The following STAT5A variants were observed in gnomAD, a reference collection of about 807,000 sequenced individuals.
STAT5A encodes epididymis secretory sperm binding protein.
STAT5A carries 26 observed loss-of-function variants against 100.2 expected under a neutral mutation model. That is an observed-to-expected ratio of 0.26 (90% confidence interval 0.19 to 0.36). The LOEUF (loss-of-function observed/expected upper bound fraction) is 0.36. Ranked by LOEUF, STAT5A falls within the 10% of genes least tolerant of loss-of-function variation. The pLI, the probability that STAT5A is intolerant of heterozygous loss-of-function variation, is 1.00. For synonymous variants in STAT5A, 330 were observed against 424.3 expected (o/e 0.78, Z 2.73); for missense variants, 634 against 1,027.5 (o/e 0.62, Z 5.24).
At chr17:42,298,851 A>T (rs1277424667) in intron 5 of STAT5A, among the ~76,000 whole-genome samples, 1 of 151,696 alleles carries the variant, frequency 6.6e-6, no homozygotes, top group East Asian at 1.9e-4. Context: ...CATCAATGAG[A>T]CTCCTCACAG....
At chr17:42,306,772 T>A (rs967476210) in intron 13 of STAT5A, among the ~76,000 whole-genome samples, 11 of 151,702 alleles carry the variant, frequency 7.3e-5, no homozygotes, top group Admixed American at 6.6e-4. Flanking sequence ...CAGGCTGGAG[T>A]GCAGTGGCGT....
intron 5 of STAT5A, among the ~76,000 whole-genome samples, chr17:42,298,316 A>T (rs896963878): frequency 2.0e-5 from 3 of 151,874 alleles, no homozygotes; most frequent in Non-Finnish European, 4.4e-5. Flanking sequence ...ATGCGCCACC[A>T]TGCCCAGCTA....
chr17:42,309,157 G>A, intron 17 of STAT5A, 59 bp downstream of exon 17: 2 of 1,612,192 alleles, frequency 1.2e-6, no homozygotes, highest in African/African-American at 2.7e-5. Flanking sequence ...CCCAGACCCT[G>A]CCTCCCATCC....
intron 13 of STAT5A, among the ~76,000 whole-genome samples, 193 bp downstream of exon 13, chr17:42,306,640 T>G (rs565747541): frequency 3.3e-4 from 50 of 150,150 alleles, no homozygotes; most frequent in African/African-American, 1.2e-3. Flanking sequence ...TGCTTAGTTG[T>G]GAAGCCAAGA....
intron 17 of STAT5A, 49 bp downstream of exon 17, chr17:42,309,147 C>A (rs200233255): frequency 5.0e-6 from 8 of 1,612,578 alleles, no homozygotes; most frequent in Non-Finnish European, 5.1e-6. Context: ...TTCCTCCTCC[C>A]CCAGACCCTG....
chr17:42,304,747 G>A lies in STAT5A; in HGVS notation c.1380+95G>A. On this transcript the variant is annotated intron_variant, in intron 11 of 18. Transcript: ENST00000590949. The surrounding 1 kb of genome is among the most constrained non-coding windows in gnomAD (Gnocchi z 4.8). ...CTCCTGGCAGCAATGCCATCGGACA[G>A]CCTGCTTTGACTCTGTGGGTCCCTG... 1.3e-6 allele frequency: 2 copies of A among 1,565,544 alleles called. No homozygotes were observed. Among genetic ancestry groups the A allele is most frequent in the South Asian group, 1.2e-5 (1 of 82,524 alleles).
chr17:42,295,186 C>T (rs1190422950), intron 4 of STAT5A, among the ~76,000 whole-genome samples: 2 of 152,132 alleles, frequency 1.3e-5, no homozygotes, highest in Non-Finnish European at 2.9e-5. Context: ...CTCCCTATGT[C>T]CCTAGGATCT....
In STAT5A at chr17:42,291,099, G is replaced by A. The variant is rs2080864315; in HGVS notation, c.286-873G>A. Among the ~76,000 whole-genome samples the A allele has an allele frequency of 3.3e-5, 5 of 152,208 alleles. No homozygotes were observed. In the South Asian group the frequency reaches 1.0e-3, roughly 31 times the overall value. ...TGCAACTAGACAGTCCCATCTGGGG[G>A]TGATGGGAGACAGTGACAGATCACC... On this transcript the variant is annotated intron_variant, in intron 3 of 18. Transcript: ENST00000590949.
intron 9 of STAT5A, among the ~76,000 whole-genome samples, chr17:42,303,447 C>A (rs573485691): frequency 6.6e-6 from 1 of 152,006 alleles, no homozygotes; most frequent in Non-Finnish European, 1.5e-5. Flanking sequence ...CAGTGGCTCA[C>A]GCCTGTAATC....
Position 42,308,183 on chromosome 17 carries a change from C to T in STAT5A, c.1912C>T (p.Arg638Cys), listed in dbSNP as rs747078154. The T allele has an allele frequency of 1.2e-6, 2 of 1,613,982 alleles. No homozygotes were observed. The highest frequency in any genetic ancestry group is 1.7e-5 in the Admixed American group (1 of 60,006). Residue 638 changes from arginine (R) to cysteine (C), a missense_variant, in exon 16 of 19, where the codon CGC becomes TGC. By Grantham distance (180) the Arg-to-Cys change is radical. This residue lies in a region of STAT5A where 210 missense variants were observed against 428.4 expected (regional missense o/e 0.49). Coordinates refer to ENST00000590949, the MANE Select transcript of STAT5A (RefSeq NM_001288718.2). The surrounding 1 kb of genome is among the most constrained non-coding windows in gnomAD (Gnocchi z 4.6). ...TGAGGCTGTTCTTTTCACAGCGGAA[C>T]GCAACCTGTGGAACCTGAAACCATT... ...TIAWKFDSPE[R>C]NLWNLKPFTT...
chr17:42,289,034 G>A (rs1047802353), intron 1 of STAT5A, among the ~76,000 whole-genome samples: 1 of 152,260 alleles, frequency 6.6e-6, no homozygotes, highest in East Asian at 1.9e-4. Context: ...CCGGGCCCGA[G>A]GTGGGCTGGG....
chr17:42,300,670 A>G (rs1244385000), intron 7 of STAT5A, 45 bp from the exon 8 acceptor site: 2 of 1,613,516 alleles, frequency 1.2e-6, no homozygotes, highest in East Asian at 4.5e-5. Flanking sequence ...GGCGTCTGTG[A>G]GGAGAAGCCA....
intron 4 of STAT5A, among the ~76,000 whole-genome samples, chr17:42,293,365 C>T (rs527413535): frequency 6.5e-4 from 99 of 152,184 alleles, no homozygotes; most frequent in African/African-American, 2.1e-3. Flanking sequence ...CCACCATGCC[C>T]GGCTAATTTT....
At chr17:42,297,945 C>T (rs2080934788) in intron 5 of STAT5A, among the ~76,000 whole-genome samples, 1 of 150,906 alleles carries the variant, frequency 6.6e-6, no homozygotes, top group Admixed American at 6.6e-5. Context: ...CTGGTGCGCG[C>T]ATCTTCTGAC....
intron 13 of STAT5A, 83 bp from the exon 14 acceptor site, chr17:42,307,319 G>T (rs1341700508): frequency 1.4e-6 from 2 of 1,384,118 alleles, no homozygotes; most frequent in African/African-American, 1.4e-5. Flanking sequence ...AGAAGACTGG[G>T]TGGGGGCAGG....
chr17:42,295,624 C>T lies in STAT5A; in HGVS notation c.381C>T (p.Ser127=), dbSNP rs776641579. ...TCCATTCCATCTGTCTCCAGTGCAGCTCTCCGGCTGGGATCCTGGTTGACG... is the reference window on the plus strand; with the variant it reads ...TCCATTCCATCTGTCTCCAGTGCAGTTCTCCGGCTGGGATCCTGGTTGACG... ...QRLVREANNC[S]SPAGILVDAM... is the part of the protein sequence containing the mutation. The change falls in exon 5 of 19, where the codon AGC becomes AGT. Residue 127 remains serine, a synonymous_variant. Transcript: ENST00000590949. The T allele has an allele frequency of 1.9e-6, 3 of 1,613,248 alleles. No homozygotes were observed. Among genetic ancestry groups the T allele is most frequent in the Non-Finnish European group, 2.5e-6 (3 of 1,179,628 alleles).
At chr17:42,293,529 A>G (rs1201132569) in intron 4 of STAT5A, among the ~76,000 whole-genome samples, 5 of 152,198 alleles carry the variant, frequency 3.3e-5, no homozygotes, top group Admixed American at 6.5e-5. Flanking sequence ...TGTTGTGGAC[A>G]TGGATTTCAG....
At chr17:42,294,096 A>T (rs888829055) in intron 4 of STAT5A, among the ~76,000 whole-genome samples, 4 of 152,058 alleles carry the variant, frequency 2.6e-5, no homozygotes, top group African/African-American at 9.7e-5. Context: ...GGCGCCTGTA[A>T]TCCTAGCTAC....
At chr17:42,310,420 A>G in intron 18 of STAT5A, 87 bp from the exon 19 acceptor site, 6 of 1,454,244 alleles carry the variant, frequency 4.1e-6, no homozygotes, top group Non-Finnish European at 5.7e-6. Flanking sequence ...GACGGGTTTG[A>G]GTGGAGAGCA....
Sources: allele counts gnomAD v4.1 joint callset (sites outside exome capture counted in the v4.1 genomes callset), GRCh38; gene constraint gnomAD v4.1.1; regional missense constraint gnomAD v4.1.1; non-coding constraint Gnocchi (gnomAD v3.1); transcripts MANE v1.5; gene names NCBI Gene and HGNC (gene_info 2026-07-23, HGNC 2026-07-21).